PIEZO1: variants seen among roughly 807,000 people sequenced by gnomAD.
PIEZO1 encodes piezo type mechanosensitive ion channel component 1 (Er blood group), also known as piezo-type mechanosensitive ion channel component 1.
PIEZO1 carries 296 observed loss-of-function variants against 297.2 expected under a neutral mutation model. The ratio of observed to expected loss-of-function variants is 1.00; its 90% confidence interval spans 0.91 to 1.10. The LOEUF (loss-of-function observed/expected upper bound fraction) is 1.10. Ranked by LOEUF, PIEZO1 falls within the 50% of genes least tolerant of loss-of-function variation. PIEZO1 has a pLI of 0.00. For synonymous variants in PIEZO1, 2,427 were observed against 1,507.5 expected (o/e 1.61, Z -14.13); for missense variants, 5,018 against 3,455.5 (o/e 1.45, Z -11.34).
At chr16:88,783,351 A>T (rs985299709) in intron 1 of PIEZO1, among the ~76,000 whole-genome samples, 8 of 152,250 alleles carry the variant, frequency 5.3e-5, no homozygotes, top group Admixed American at 1.3e-4. Flanking sequence ...CAGAAGAAGA[A>T]GATTTTGTGA....
chr16:88,738,079 C>A lies in PIEZO1; in HGVS notation c.875G>T (p.Gly292Val). ...ARVLGLKDFV[G>V]PTNCSSPHAL... ...GTGGGGGCTGGAGCAGTTGGTGGGA[C>A]CCACGAAGTCCTTGAGACCCAGCAC... Residue 292 changes from glycine to valine, a missense_variant, in exon 8 of 51, where the codon GGT (glycine) becomes GTT (valine). Gly to Val is a moderately radical substitution (Grantham distance 109). Coordinates refer to ENST00000301015, the MANE Select transcript of PIEZO1 (RefSeq NM_001142864.4). 1.3e-6 allele frequency: 2 copies of A among 1,535,816 alleles called. No homozygotes were observed. Among genetic ancestry groups the A allele is most frequent in the East Asian group, 2.4e-5 (1 of 40,902 alleles).
intron 2 of PIEZO1, chr16:88,743,307 C>T (rs1163494752): frequency 2.2e-6 from 1 of 456,080 alleles, no homozygotes; most frequent in African/African-American, 2.0e-5. Context: ...AAGTCCTTGA[C>T]CCACCGGGTT....
In PIEZO1 at chr16:88,716,838, C is replaced by G. The variant is rs961275309; in HGVS notation, c.6721G>C (p.Glu2241Gln). 1.3e-6 allele frequency: 2 copies of G among 1,550,210 alleles called. No individual in the cohort carries two copies. The highest frequency in any genetic ancestry group is 8.7e-7 in the Non-Finnish European group (1 of 1,146,968). The change falls in exon 46 of 51, where the codon GAG becomes CAG. Residue 2241 changes from glutamate (E) to glutamine (Q), a missense_variant. Physicochemically the swap from Glu to Gln is conservative, Grantham distance 29. Transcript: ENST00000301015. The stretch of plus-strand genomic sequence containing the variant: ...GGGTCAAACTGCCGGGACAGCTCCT[C>G]ATAGGCCTGGGCCGTGAAGGGGATG... The part of the protein sequence containing the change: ...SIIPFTAQAY[E>Q]ELSRQFDPQP...
intron 1 of PIEZO1, among the ~76,000 whole-genome samples, chr16:88,776,494 G>A (rs750945206): frequency 5.9e-5 from 9 of 152,126 alleles, no homozygotes; most frequent in South Asian, 2.1e-4. Context: ...GGCATTGCCC[G>A]GGGCCCAGCT....
rs560215837 is a variant in PIEZO1 at position 88,717,456 on chromosome 16, C to G, written c.6472-245G>C. The G allele has an allele frequency of 9.7e-6, 6 of 620,078 alleles. 1 individual carries two copies. Among genetic ancestry groups the G allele is most frequent in the African/African-American group, 3.6e-5 (2 of 55,014 alleles). 38.4% of individuals were successfully genotyped at this position (620,078 alleles called of 1,614,324 possible). ...TGACCGTTCAGTGGGAACGGACAAC[C>G]TTTTTCAACACGGTGCAGGCACCGC... On this transcript the variant is annotated intron_variant, in intron 44 of 50. Transcript: ENST00000301015.
intron 1 of PIEZO1, among the ~76,000 whole-genome samples, chr16:88,782,287 A>G (rs1456705355): frequency 1.3e-5 from 2 of 151,700 alleles, no homozygotes; most frequent in African/African-American, 4.9e-5. Context: ...ATTTTTAAAT[A>G]TTTTTCATAG....
rs544504627 is a variant in PIEZO1, at chr16:88,727,456, T to G, written c.3301+101A>C. ...AGGCCGCCATGTGCCTGACCACACCTCCGCCCGTGCACGCCTGTGTGCACA... is the reference window on the plus strand; with the variant it reads ...AGGCCGCCATGTGCCTGACCACACCGCCGCCCGTGCACGCCTGTGTGCACA... On this transcript the variant is annotated intron_variant, in intron 23 of 50. Coordinates refer to ENST00000301015, the MANE Select transcript of PIEZO1 (RefSeq NM_001142864.4). 948 of 641,180 alleles carry G rather than the reference T, an allele frequency of 1.5e-3. 7 individuals are homozygous for G. The African/African-American group carries it at 0.016, about 11-fold the overall frequency. The allele number at this position is 641,180 out of a possible 1,614,324, so 39.7% of individuals were successfully genotyped here.
chr16:88,739,364 G>A (rs1905481257), intron 5 of PIEZO1: 1 of 152,330 alleles, frequency 6.6e-6, no homozygotes, highest in Non-Finnish European at 1.5e-5. Context: ...CCAGAACACA[G>A]CCATTTCCCA....
intron 9 of PIEZO1, 35 bp from the exon 10 acceptor site, chr16:88,737,681 G>A (rs1597461308): frequency 6.5e-7 from 1 of 1,533,116 alleles, no homozygotes; most frequent in East Asian, 2.4e-5. Context: ...TGCACGGGCT[G>A]GCCGGGCGCC....
At chr16:88,733,567 T>G (rs1330096121) in intron 18 of PIEZO1, 21 bp downstream of exon 18, 1 of 1,530,138 alleles carries the variant, frequency 6.5e-7, no homozygotes, top group Non-Finnish European at 8.8e-7. Context: ...GATGGGAAGC[T>G]GAGTTGCCTG....
In PIEZO1 at chr16:88,731,723, G is replaced by A. The variant is rs1904822736; in HGVS notation, c.3179C>T (p.Pro1060Leu). The change falls in exon 22 of 51, where the codon CCC becomes CTC. Residue 1060 changes from proline to leucine, a missense_variant. Coordinates refer to ENST00000301015, the MANE Select transcript of PIEZO1 (RefSeq NM_001142864.4). Reference sequence around the variant, plus strand: ...CCCCTCACCAATGCACAGGGCCGGGGGCATCCCCAGGCACAGCAGGTACTG... The same window carrying A: ...CCCCTCACCAATGCACAGGGCCGGGAGCATCCCCAGGCACAGCAGGTACTG... ...LYQYLLCLGM[P>L]PALCIDYPWR... 2 of 1,549,658 alleles carry A rather than the reference G, an allele frequency of 1.3e-6. No homozygotes were observed. The highest frequency in any genetic ancestry group is 2.5e-5 in the East Asian group (1 of 40,776).
At chr16:88,749,064 C>G (rs113926644) in intron 2 of PIEZO1, among the ~76,000 whole-genome samples, 86 of 151,368 alleles carry the variant, frequency 5.7e-4, no homozygotes, top group Non-Finnish European at 7.1e-4. Flanking sequence ...GGTGAAACCC[C>G]GTCTCTACTA....
At chr16:88,743,615 G>C (rs548245010) in intron 2 of PIEZO1, 22 of 456,646 alleles carry the variant, frequency 4.8e-5, no homozygotes, top group South Asian at 3.3e-4. Flanking sequence ...AATGGTGTTA[G>C]GTGACAGACT....
In PIEZO1 at chr16:88,715,554, C is replaced by T; in HGVS notation, c.*51G>A. On this transcript the variant is annotated 3_prime_UTR_variant, in exon 51 of 51. Coordinates refer to ENST00000301015, the MANE Select transcript of PIEZO1 (RefSeq NM_001142864.4). The stretch of plus-strand genomic sequence containing the variant: ...CCTGAGGAGTGCCGCCCCTTGTGGC[C>T]ACGCTGCCCAGCAGGCCGGCTCCTT... 2 of 1,518,064 alleles carry T rather than the reference C, an allele frequency of 1.3e-6. No homozygotes were observed. The highest frequency in any genetic ancestry group is 1.4e-5 in the African/African-American group (1 of 72,650). 94.0% of individuals were successfully genotyped at this position (1,518,064 alleles called of 1,614,324 possible). A position where few individuals can be genotyped will look rare whatever the true frequency, so the allele number is the denominator to read the frequency against.
chr16:88,726,098 C>T (rs979187778), intron 27 of PIEZO1, 186 bp downstream of exon 27: 8 of 606,522 alleles, frequency 1.3e-5, no homozygotes, highest in Non-Finnish European at 2.0e-5. Context: ...AGACCCAGCA[C>T]TGGGGCAGAG....
Position 88,726,578 on chromosome 16 carries a change from G to C in PIEZO1, c.3765C>G (p.Ser1255Arg), listed in dbSNP as rs747031341. Residue 1255 changes from serine to arginine, a missense_variant, in exon 26 of 51, where the codon AGC becomes AGG. Coordinates refer to ENST00000301015, the MANE Select transcript of PIEZO1 (RefSeq NM_001142864.4). ...AGTAGCCCTTGACGGTGCATACAAG[G>C]CTGAAGAGCTGGATGACCCAGCAGA... ...TGFCWVIQLF[S>R]LVCTVKGYYD... is the part of the protein sequence containing the mutation. 68 of 1,550,018 alleles carry C rather than the reference G, an allele frequency of 4.4e-5. 1 individual carries two copies. In the South Asian group the frequency reaches 7.4e-4, roughly 17 times the overall value.
chr16:88,780,132 C>T (rs1245842238), intron 1 of PIEZO1, among the ~76,000 whole-genome samples: 1 of 152,222 alleles, frequency 6.6e-6, no homozygotes, highest in Non-Finnish European at 1.5e-5. Context: ...CTGCCCCCGT[C>T]CTCCCAGTGA....
At position 88,726,315 on chromosome 16, in the gene PIEZO1, C is replaced by T. The variant is rs267604679; in HGVS notation, c.3937G>A (p.Asp1313Asn). The T allele has an allele frequency of 2.5e-5, 38 of 1,549,786 alleles. No individual in the cohort carries two copies. The highest frequency in any genetic ancestry group is 3.0e-5 in the Non-Finnish European group (34 of 1,146,810). ...LSHYYLHVRA[D>N]LQATALLASR... is the part of the protein sequence containing the mutation. ...GCTAGCAGGGCGGTGGCCTGGAGGTCGGCCCTGACGTGCAGGTAGTAATGG... is the reference window on the plus strand; with the variant it reads ...GCTAGCAGGGCGGTGGCCTGGAGGTTGGCCCTGACGTGCAGGTAGTAATGG... The change falls in exon 27 of 51, where the codon GAC becomes AAC. Residue 1313 changes from aspartate to asparagine, a missense_variant. Coordinates refer to ENST00000301015, the MANE Select transcript of PIEZO1 (RefSeq NM_001142864.4).
chr16:88,727,583 C>T lies in PIEZO1; in HGVS notation c.3275G>A (p.Arg1092Gln), dbSNP rs536305365. 2.6e-5 allele frequency: 40 copies of T among 1,527,572 alleles called. No individual in the cohort carries two copies. The East Asian group carries it at 6.2e-4, about 24-fold the overall frequency. 94.6% of individuals were successfully genotyped at this position (1,527,572 alleles called of 1,614,324 possible). ...IKWLYLPDFF[R>Q]APNSTNLISD... ...GATGAGGTTGGTGGAGTTGGGGGCC[C>T]GGAAGAAATCAGGCAGGTACAGCCA... Residue 1092 changes from arginine to glutamine, a missense_variant, in exon 23 of 51, where the codon CGG (arginine) becomes CAG (glutamine). By Grantham distance (43) the Arg-to-Gln change is conservative. Coordinates refer to ENST00000301015, the MANE Select transcript of PIEZO1 (RefSeq NM_001142864.4).
Sources: gnomAD v4.1 joint callset for allele counts (sites outside exome capture counted in the v4.1 genomes callset) on GRCh38, gnomAD v4.1.1 for gene constraint, MANE v1.5 for transcripts, NCBI Gene and HGNC (gene_info 2026-07-23, HGNC 2026-07-21) for gene names.